FARP1: variants seen among roughly 807,000 people sequenced by gnomAD.
The protein encoded by FARP1 is FERM, ARH/RhoGEF and pleckstrin domain protein 1.
Under a neutral mutation model 128.8 loss-of-function variants are expected in FARP1, and 52 were observed. The observed-to-expected ratio is 0.40, with a 90% confidence interval of 0.32 to 0.51. The LOEUF is 0.51. FARP1 is among the 20% of genes least tolerant of loss of function. FARP1 has a pLI of 0.45. For missense variants in FARP1, 1,333 were observed against 1,367.9 expected (o/e 0.97, Z 0.40); for synonymous variants, 580 against 551.8 (o/e 1.05, Z -0.72).
intron 16 of FARP1, among the ~76,000 whole-genome samples, chr13:98,422,251 C>T (rs1457854585): frequency 6.6e-6 from 1 of 152,104 alleles, no homozygotes; most frequent in African/African-American, 2.4e-5. Flanking sequence ...GGCCGACCAG[C>T]CCGGAGAGCC....
intron 6 of FARP1, among the ~76,000 whole-genome samples, chr13:98,382,984 G>C (rs1410618814): frequency 6.6e-6 from 1 of 152,130 alleles, no homozygotes; most frequent in African/African-American, 2.4e-5. Context: ...TGAAGAAATT[G>C]GCAAAGTATA....
intron 2 of FARP1, among the ~76,000 whole-genome samples, chr13:98,252,180 GTATTA>G (rs1341807123): frequency 2.0e-5 from 3 of 152,098 alleles, no homozygotes; most frequent in South Asian, 2.1e-4. Flanking sequence ...TTAATAATAT[GTATTA>G]TATTAGCATA....
At chr13:98,203,728 A>G (rs1880095186) in intron 1 of FARP1, 1 of 152,132 alleles carries the variant, frequency 6.6e-6, no homozygotes, top group South Asian at 2.1e-4. Context: ...TTCTGTGCAG[A>G]CATATGTTTT....
At chr13:98,348,839 C>T (rs554277196) in intron 3 of FARP1, among the ~76,000 whole-genome samples, 1 of 152,278 alleles carries the variant, frequency 6.6e-6, no homozygotes, top group African/African-American at 2.4e-5. Context: ...GCCCATGTGC[C>T]GTAGTTTGCC....
chr13:98,414,497 C>T (rs557866221), intron 16 of FARP1, among the ~76,000 whole-genome samples: 2 of 152,246 alleles, frequency 1.3e-5, no homozygotes, highest in South Asian at 2.1e-4. Context: ...TTAGTATGAG[C>T]CATAGACCAA....
At chr13:98,179,625 GA>G (rs1360241007) in intron 1 of FARP1, among the ~76,000 whole-genome samples, 1 of 152,098 alleles carries the variant, frequency 6.6e-6, no homozygotes, top group Non-Finnish European at 1.5e-5. Context: ...AGCACTTTGG[GA>G]GGCTGAGGCA....
rs78700370 is a variant in FARP1 at position 98,453,527 on chromosome 13, A to G, written c.*5210A>G. The G allele has an allele frequency of 3.4e-3, 984 of 289,368 alleles. 10 individuals carry two copies. Among genetic ancestry groups the G allele is most frequent in the African/African-American group, 0.02 (909 of 44,946 alleles). The allele number at this position is 289,368 out of a possible 1,614,324, so 17.9% of individuals were successfully genotyped here. A position where few individuals can be genotyped will look rare whatever the true frequency, so the allele number is the denominator to read the frequency against. ...ATTGTCAAAAAGTGAACATTGATCCATACATGATGACACAGTAAGATTCCA... is the reference window on the plus strand; with the variant it reads ...ATTGTCAAAAAGTGAACATTGATCCGTACATGATGACACAGTAAGATTCCA... On this transcript the variant is annotated 3_prime_UTR_variant, in exon 27 of 27. Coordinates refer to ENST00000319562, the MANE Select transcript of FARP1 (RefSeq NM_005766.4).
At chr13:98,214,941 G>C (rs1244821584) in intron 2 of FARP1, among the ~76,000 whole-genome samples, 3 of 152,168 alleles carry the variant, frequency 2.0e-5, no homozygotes, top group African/African-American at 7.2e-5. Context: ...TTTCGTTTCA[G>C]TGTTTCCTGT....
At chr13:98,433,130 A>C (rs1226868779) in intron 18 of FARP1, 1 of 152,256 alleles carries the variant, frequency 6.6e-6, no homozygotes, top group Non-Finnish European at 1.5e-5. Flanking sequence ...GAGAGCCACA[A>C]AGTGAGGCTG....
rs72652215 is a variant in FARP1 at position 98,396,677 on chromosome 13, A to G, written c.1414+1201A>G. On this transcript the variant is annotated intron_variant, in intron 13 of 26. Coordinates refer to ENST00000319562, the MANE Select transcript of FARP1 (RefSeq NM_005766.4). ...ATCGTTAAGAAAAACAAAACTTCAC[A>G]TAAGTGGCTTGCTTTCCAGAAAAGG... The G allele has an allele frequency of 5.0e-3, 1,981 of 394,154 alleles. 13 individuals carry two copies. The highest frequency in any genetic ancestry group is 7.3e-3 in the Admixed American group (166 of 22,608). The allele number at this position is 394,154 out of a possible 1,614,324, so 24.4% of individuals were successfully genotyped here. A position where few individuals can be genotyped will look rare whatever the true frequency, so the allele number is the denominator to read the frequency against.
At chr13:98,429,582 G>A (rs1891933452) in intron 17 of FARP1, among the ~76,000 whole-genome samples, 1 of 152,202 alleles carries the variant, frequency 6.6e-6, no homozygotes, top group African/African-American at 2.4e-5. Flanking sequence ...AAAGAATGTG[G>A]AGTGTACCCC....
intron 2 of FARP1, among the ~76,000 whole-genome samples, chr13:98,295,120 T>G (rs1885629148): frequency 6.9e-6 from 1 of 145,642 alleles, no homozygotes; most frequent in African/African-American, 2.5e-5. Context: ...TCCCCAGGCA[T>G]TATTTATTTA....
intron 15 of FARP1, 41 bp downstream of exon 15, chr13:98,410,864 T>C (rs1303676549): frequency 2.0e-6 from 2 of 1,015,936 alleles, no homozygotes; most frequent in Admixed American, 3.8e-5. Context: ...ATTACATGAT[T>C]TATCTCAGCT....
intron 1 of FARP1, chr13:98,177,761 C>T (rs12868132): frequency 0.013 from 2,029 of 151,954 alleles, 24 homozygotes; most frequent in Admixed American, 0.02. Flanking sequence ...TGCTCCTCAG[C>T]TCCCTCAGTG....
intron 1 of FARP1, among the ~76,000 whole-genome samples, chr13:98,185,422 T>C (rs1484883900): frequency 6.6e-6 from 1 of 152,174 alleles, no homozygotes; most frequent in African/African-American, 2.4e-5. Flanking sequence ...CGTTTTGTCC[T>C]AGATCTTTAT....
At chr13:98,204,169 C>T (rs554126365) in intron 1 of FARP1, 12 of 152,370 alleles carry the variant, frequency 7.9e-5, no homozygotes, top group African/African-American at 2.9e-4. Flanking sequence ...TGACAGATGT[C>T]ACAGCCAGAT....
intron 2 of FARP1, among the ~76,000 whole-genome samples, chr13:98,251,682 CAAA>C (rs745852802): frequency 1.1e-5 from 1 of 90,540 alleles, no homozygotes; most frequent in Non-Finnish European, 2.3e-5. Flanking sequence ...GACTCCATCT[CAAA>C]AAAAAAAAAA....
chr13:98,181,594 AATATTATTTAT>A (rs1312930839), intron 1 of FARP1, among the ~76,000 whole-genome samples: 1 of 140,496 alleles, frequency 7.1e-6, no homozygotes, highest in Non-Finnish European at 1.5e-5. Context: ...ATTTAGAAAT[AATATTATTTAT>A]TTATTTATTT....
intron 16 of FARP1, among the ~76,000 whole-genome samples, chr13:98,421,003 T>G (rs978593712): frequency 2.6e-5 from 4 of 152,176 alleles, no homozygotes; most frequent in African/African-American, 9.7e-5. Flanking sequence ...CTATGTGAGC[T>G]GGGGTGGGGA....
Sources: gnomAD v4.1 joint callset for allele counts (sites outside exome capture counted in the v4.1 genomes callset) on GRCh38, gnomAD v4.1.1 for gene constraint, MANE v1.5 for transcripts, NCBI Gene and HGNC (gene_info 2026-07-23, HGNC 2026-07-21) for gene names.